IL1R2: variants seen among roughly 807,000 people sequenced by gnomAD.
IL1R2 encodes interleukin-1 receptor type 2.
A neutral mutation model predicts 39.5 loss-of-function variants in IL1R2; 46 were observed. The ratio of observed to expected loss-of-function variants is 1.16; its 90% CI spans 0.92 to 1.49. The LOEUF is 1.49. Among genes scored for constraint, IL1R2 ranks in the 40% most tolerant of loss-of-function variants. The pLI is 0.00. For synonymous variants in IL1R2, 207 were observed against 189.6 expected (o/e 1.09, Z -0.75); for missense variants, 537 against 502.0 (o/e 1.07, Z -0.67).
At chr2:101,998,540 C>T (rs928650218) in intron 1 of IL1R2, among the ~76,000 whole-genome samples, 1 of 152,214 alleles carries the variant, frequency 6.6e-6, no homozygotes, top group African/African-American at 2.4e-5. Flanking sequence ...TTCTGTATGT[C>T]ACGAATTTGA....
At chr2:102,004,763 T>C (rs1358767814) in intron 1 of IL1R2, among the ~76,000 whole-genome samples, 1 of 152,198 alleles carries the variant, frequency 6.6e-6, no homozygotes, top group African/African-American at 2.4e-5. Context: ...TTTTCTGAGG[T>C]TTTGATTATT....
At chr2:102,002,970 TTGTGTC>T (rs938101036) in intron 1 of IL1R2, among the ~76,000 whole-genome samples, 5 of 141,488 alleles carry the variant, frequency 3.5e-5, no homozygotes, top group Non-Finnish European at 6.2e-5. Context: ...GTGTCTGTGT[TTGTGTC>T]TGTGTCTGTG....
At chr2:102,002,679 G>A (rs1267879955) in intron 1 of IL1R2, among the ~76,000 whole-genome samples, 1 of 147,496 alleles carries the variant, frequency 6.8e-6, no homozygotes, top group African/African-American at 2.5e-5. Flanking sequence ...TCTAGGTCTA[G>A]GTCTGTGTCT....
At chr2:101,993,965 T>A (rs1240340865) in intron 1 of IL1R2, among the ~76,000 whole-genome samples, 1 of 152,212 alleles carries the variant, frequency 6.6e-6, no homozygotes, top group Non-Finnish European at 1.5e-5. Flanking sequence ...CACTCACCTC[T>A]TCCATGCCCA....
chr2:102,014,565 A>G (rs1366157364), intron 3 of IL1R2, among the ~76,000 whole-genome samples: 2 of 152,208 alleles, frequency 1.3e-5, no homozygotes, highest in Non-Finnish European at 2.9e-5. Flanking sequence ...CTAAATATAA[A>G]CAGATATTGG....
At chr2:102,023,911 G>T (rs3218967) in intron 6 of IL1R2, among the ~76,000 whole-genome samples, 2,586 of 152,156 alleles carry the variant, frequency 0.017, 78 homozygotes, top group African/African-American at 0.058. Context: ...TTAGCCGGGC[G>T]TGGTGGCGGG....
intron 1 of IL1R2, among the ~76,000 whole-genome samples, chr2:101,992,607 GGAGACAGAGAGAGGCAGA>G (rs1278350059): frequency 2.2e-4 from 17 of 75,720 alleles, no homozygotes; most frequent in East Asian, 4.2e-4. Context: ...AGAGATAGAG[GGAGACAGAGAGAGGCAGA>G]GAGACAGAGA....
At chr2:102,018,586 A>T (rs2236926) in intron 4 of IL1R2, among the ~76,000 whole-genome samples, 4 of 152,202 alleles carry the variant, frequency 2.6e-5, no homozygotes, top group Non-Finnish European at 5.9e-5. Flanking sequence ...CATAATAATG[A>T]TACCTATTAC....
Position 102,024,654 on chromosome 2 carries a change from C to T in IL1R2, c.873C>T (p.Thr291=), listed in dbSNP as rs141821381. Residue 291 remains threonine, a synonymous_variant, in exon 7 of 9, where the codon ACC becomes ACT. Transcript: ENST00000332549. ...GCGCCTACCCGGGAGGCCGCGTGAC[C>T]GAGGGGCCACGCCAGTAAGTGGGCC... ...IESAYPGGRV[T]EGPRQEYSEN... 3.1e-4 allele frequency: 504 copies of T among 1,614,076 alleles called. 2 individuals carry two copies. The African/African-American group carries it at 4.0e-3, about 13-fold the overall frequency.
At chr2:102,024,744 C>G in intron 7 of IL1R2, 76 bp downstream of exon 7, 1 of 1,526,508 alleles carries the variant, frequency 6.6e-7, no homozygotes, top group Non-Finnish European at 8.9e-7. Context: ...TCACTATGAC[C>G]CACATACCAC....
intron 6 of IL1R2, among the ~76,000 whole-genome samples, chr2:102,022,633 G>A (rs1477558802): frequency 2.0e-5 from 3 of 152,152 alleles, no homozygotes; most frequent in African/African-American, 7.2e-5. Flanking sequence ...CCAAAACTTG[G>A]CTGGCGCTCT....
At chr2:102,016,105 C>G (rs1676987029) in intron 4 of IL1R2, 54 bp downstream of exon 4, 1 of 1,394,876 alleles carries the variant, frequency 7.2e-7, no homozygotes, top group Non-Finnish European at 1.0e-6. Flanking sequence ...TTTTTACTAG[C>G]CATAAAAGAA....
chr2:102,024,890 A>G, intron 7 of IL1R2: 1 of 511,208 alleles, frequency 2.0e-6, no homozygotes, highest in Non-Finnish European at 3.4e-6. Context: ...ACATGTTGGT[A>G]TTGATGTTGC....
chr2:102,026,007 A>G, intron 7 of IL1R2, 104 bp from the exon 8 acceptor site: 2 of 857,320 alleles, frequency 2.3e-6, no homozygotes, highest in Non-Finnish European at 3.6e-6. Context: ...AAACAATAAA[A>G]GCGCAATGGG....
chr2:102,013,940 A>G (rs759766339), intron 3 of IL1R2, among the ~76,000 whole-genome samples: 7 of 152,120 alleles, frequency 4.6e-5, no homozygotes, highest in Non-Finnish European at 8.8e-5. Flanking sequence ...AACTGGGCCT[A>G]TTTGGTGAGC....
At chr2:102,015,352 C>T (rs1676927954) in intron 3 of IL1R2, among the ~76,000 whole-genome samples, 1 of 152,110 alleles carries the variant, frequency 6.6e-6, no homozygotes. Context: ...TTTTTCTGTA[C>T]AATTATGTTA....
intron 3 of IL1R2, 81 bp downstream of exon 3, chr2:102,009,907 T>C: frequency 6.7e-7 from 1 of 1,482,008 alleles, no homozygotes; most frequent in East Asian, 2.3e-5. Flanking sequence ...GATCCGGATC[T>C]CAGAATCCAG....
chr2:102,002,667 A>G (rs1371473777), intron 1 of IL1R2, among the ~76,000 whole-genome samples: 1 of 129,342 alleles, frequency 7.7e-6, no homozygotes, highest in Admixed American at 7.5e-5. Context: ...TCTATGTCTA[A>G]GTCTAGGTCT....
intron 1 of IL1R2, among the ~76,000 whole-genome samples, chr2:101,992,574 G>A (rs1432802069): frequency 6.6e-6 from 1 of 151,280 alleles, no homozygotes; most frequent in Non-Finnish European, 1.5e-5. Context: ...GATGGAGAGA[G>A]ACAGAGAGGC....
Sources: allele counts gnomAD v4.1 joint callset (sites outside exome capture counted in the v4.1 genomes callset), GRCh38; gene constraint gnomAD v4.1.1; transcripts MANE v1.5; gene names NCBI Gene and HGNC (gene_info 2026-07-23, HGNC 2026-07-21).